Variants in ERBB4 observed in about 807,000 individuals in gnomAD.
ERBB4 encodes receptor tyrosine-protein kinase erbB-4.
Under a neutral mutation model 158.0 loss-of-function variants are expected in ERBB4, and 42 were observed. That is an observed-to-expected ratio of 0.27 (90% confidence interval 0.21 to 0.34). The LOEUF (loss-of-function observed/expected upper bound fraction) is 0.34, where lower values mean the gene tolerates loss of function less well. ERBB4 is among the 10% of genes least tolerant of loss of function. The pLI is 1.00. For synonymous variants in ERBB4, 583 were observed against 558.7 expected (o/e 1.04, Z -0.61); for missense variants, 1,333 against 1,624.1 (o/e 0.82, Z 3.08).
intron 20 of ERBB4, among the ~76,000 whole-genome samples, chr2:211,444,458 G>C (rs1595061): frequency 2.0e-5 from 3 of 151,952 alleles, no homozygotes; most frequent in African/African-American, 7.2e-5. Context: ...TTATAACATG[G>C]AAATCTATCA....
At chr2:212,435,498 T>C (rs2092118191) in intron 1 of ERBB4, among the ~76,000 whole-genome samples, 1 of 152,004 alleles carries the variant, frequency 6.6e-6, no homozygotes, top group African/African-American at 2.4e-5. Flanking sequence ...TTCTAAATGG[T>C]GATATCAAAA....
intron 3 of ERBB4, among the ~76,000 whole-genome samples, chr2:211,924,860 G>T (rs114437491): frequency 0.048 from 7,312 of 152,234 alleles, 239 homozygotes; most frequent in Middle Eastern, 0.095. Flanking sequence ...GATTAAAGAC[G>T]TACGTTTATC....
At chr2:211,806,017 G>T (rs961747455) in intron 3 of ERBB4, among the ~76,000 whole-genome samples, 3 of 151,986 alleles carry the variant, frequency 2.0e-5, no homozygotes, top group African/African-American at 7.2e-5. Flanking sequence ...ACAAGTTATA[G>T]AGAGAAGAAA....
rs184317977 is a variant in ERBB4 at position 212,100,460 on chromosome 2, A to G, written c.234+24292T>C. ...AAGTTGATAGGATGGTTTTGTCTTAATTCTGTCATTCTCATTGATAGTTTA... is the reference window on the plus strand; with the variant it reads ...AAGTTGATAGGATGGTTTTGTCTTAGTTCTGTCATTCTCATTGATAGTTTA... On this transcript the variant is annotated intron_variant, in intron 2 of 27. Coordinates refer to ENST00000342788, the MANE Select transcript of ERBB4 (RefSeq NM_005235.3). Among the ~76,000 whole-genome samples the G allele has an allele frequency of 9.2e-5, 14 of 152,260 alleles. No individual in the cohort carries two copies. In the East Asian group the frequency reaches 2.5e-3, roughly 27 times the overall value.
chr2:212,183,683 GAC>G (rs2081938242), intron 1 of ERBB4, among the ~76,000 whole-genome samples: 1 of 151,860 alleles, frequency 6.6e-6, no homozygotes, highest in African/African-American at 2.4e-5. Context: ...TATAAAAGTA[GAC>G]TATACAAGAT....
chr2:211,665,032 A>G (rs1337567932), intron 15 of ERBB4, among the ~76,000 whole-genome samples: 2 of 152,236 alleles, frequency 1.3e-5, no homozygotes, highest in Admixed American at 6.5e-5. Flanking sequence ...TGAATCTCCA[A>G]TATAATTTCG....
intron 20 of ERBB4, among the ~76,000 whole-genome samples, chr2:211,479,957 C>T (rs1302757190): frequency 6.6e-6 from 1 of 151,908 alleles, no homozygotes; most frequent in Non-Finnish European, 1.5e-5. Flanking sequence ...GAATAAAAAG[C>T]CTCATGGTCT....
At chr2:212,230,552 G>T (rs2083627609) in intron 1 of ERBB4, among the ~76,000 whole-genome samples, 1 of 152,104 alleles carries the variant, frequency 6.6e-6, no homozygotes, top group Non-Finnish European at 1.5e-5. Flanking sequence ...AGTAATTACT[G>T]TTTTAAAATG....
chr2:212,329,717 T>A lies in ERBB4; in HGVS notation c.83-204814A>T, dbSNP rs140363889. Among the ~76,000 whole-genome samples, 10 of 152,180 alleles carry A rather than the reference T, an allele frequency of 6.6e-5. No homozygotes were observed. The East Asian group carries it at 1.9e-3, about 30-fold the overall frequency. ...TTTGTAAAACAGTGATTTAACCTGTTACTGCTTCTGCTGGCCTAGTGTCAC... is the reference window on the plus strand; with the variant it reads ...TTTGTAAAACAGTGATTTAACCTGTAACTGCTTCTGCTGGCCTAGTGTCAC... On this transcript the variant is annotated intron_variant, in intron 1 of 27. Transcript: ENST00000342788.
chr2:212,412,235 G>T (rs1025084387), intron 1 of ERBB4, among the ~76,000 whole-genome samples: 6 of 152,082 alleles, frequency 3.9e-5, no homozygotes, highest in African/African-American at 1.4e-4. Context: ...AAACTATTTT[G>T]TTCTCTCTGT....
chr2:212,105,307 A>G (rs1392354141), intron 2 of ERBB4, among the ~76,000 whole-genome samples: 2 of 152,230 alleles, frequency 1.3e-5, no homozygotes, highest in South Asian at 2.1e-4. Flanking sequence ...GGTATTCAAC[A>G]TTATTTTAGA....
intron 1 of ERBB4, among the ~76,000 whole-genome samples, chr2:212,212,555 A>G (rs2082969554): frequency 6.6e-6 from 1 of 152,046 alleles, no homozygotes; most frequent in Non-Finnish European, 1.5e-5. Flanking sequence ...CAGAATTAAA[A>G]AAAAAAAAGG....
intron 4 of ERBB4, among the ~76,000 whole-genome samples, chr2:211,756,528 T>C (rs1451210628): frequency 6.6e-6 from 1 of 152,136 alleles, no homozygotes; most frequent in Non-Finnish European, 1.5e-5. Context: ...TATTATGGAG[T>C]TTAATGGGTA....
chr2:211,962,158 AATGTTTGCTTAT>A (rs1462230456), intron 2 of ERBB4, among the ~76,000 whole-genome samples: 1 of 152,112 alleles, frequency 6.6e-6, no homozygotes, highest in Non-Finnish European at 1.5e-5. Context: ...ATATTTGTAT[AATGTTTGCTTAT>A]ATGTTTGCTT....
intron 3 of ERBB4, among the ~76,000 whole-genome samples, chr2:211,866,086 C>T (rs758261852): frequency 2.0e-5 from 3 of 152,046 alleles, no homozygotes; most frequent in African/African-American, 4.8e-5. Flanking sequence ...CCTGTGTCTA[C>T]TAAAAATACA....
chr2:211,772,956 T>TATATATATA (rs1491260097), intron 4 of ERBB4, among the ~76,000 whole-genome samples: 3 of 76,340 alleles, frequency 3.9e-5, no homozygotes, highest in African/African-American at 1.9e-4. Context: ...TATATATATA[T>TATATATATA]TTTTTTTTTT....
intron 3 of ERBB4, among the ~76,000 whole-genome samples, chr2:211,793,737 C>T (rs1575156857): frequency 6.6e-6 from 1 of 151,976 alleles, no homozygotes; most frequent in Non-Finnish European, 1.5e-5. Flanking sequence ...TTTCCCAAAC[C>T]CAGACCTTTC....
chr2:212,369,324 C>A (rs1255628079), intron 1 of ERBB4, among the ~76,000 whole-genome samples: 1 of 152,080 alleles, frequency 6.6e-6, no homozygotes, highest in Non-Finnish European at 1.5e-5. Flanking sequence ...TCATTGCAGT[C>A]CTCTTCATTT....
chr2:211,657,782 C>T lies in ERBB4; in HGVS notation c.1918G>A (p.Gly640Ser). 1 of 1,613,886 alleles carries T rather than the reference C, an allele frequency of 6.2e-7. No individual in the cohort carries two copies. The highest frequency in any genetic ancestry group is 1.3e-5 in the African/African-American group (1 of 75,010). ...SHDCIYYPWT[G>S]HSTLPQHART... is the part of the protein sequence containing the mutation. The stretch of plus-strand genomic sequence containing the variant: ...GCATGTTGTGGTAAAGTGGAATGGC[C>T]CGTCCATGGGTAGTAAATGCAGTCA... Residue 640 changes from glycine to serine, a missense_variant, in exon 16 of 28, where the codon GGC (glycine) becomes AGC (serine). By Grantham distance (56) the Gly-to-Ser change is moderately conservative. This residue lies in a region of ERBB4 where 245 missense variants were observed against 247.5 expected (regional missense o/e 0.99). Coordinates refer to ENST00000342788, the MANE Select transcript of ERBB4 (RefSeq NM_005235.3).
Sources: allele counts gnomAD v4.1 joint callset (sites outside exome capture counted in the v4.1 genomes callset), GRCh38; gene constraint gnomAD v4.1.1; regional missense constraint gnomAD v4.1.1; transcripts MANE v1.5; gene names NCBI Gene and HGNC (gene_info 2026-07-23, HGNC 2026-07-21).